Variants in ZDHHC21 observed in about 807,000 individuals in gnomAD.
ZDHHC21 encodes zDHHC palmitoyltransferase 21, also known as palmitoyltransferase ZDHHC21.
ZDHHC21 carries 15 observed loss-of-function variants against 34.6 expected under a neutral mutation model. That is an observed-to-expected ratio of 0.43 (90% CI 0.29 to 0.67). The LOEUF (loss-of-function observed/expected upper bound fraction) is 0.67. Ranked by LOEUF, ZDHHC21 falls within the 30% of genes least tolerant of loss-of-function variation. The pLI, the probability that ZDHHC21 is intolerant of heterozygous loss-of-function variation, is 0.14. For missense variants in ZDHHC21, 344 were observed against 327.7 expected (o/e 1.05, Z -0.38); for synonymous variants, 142 against 101.8 (o/e 1.40, Z -2.38).
At chr9:14,643,298 C>G (rs56949739) in intron 7 of ZDHHC21, among the ~76,000 whole-genome samples, 8,471 of 152,012 alleles carry the variant, frequency 0.056, 784 homozygotes, top group African/African-American at 0.19. Context: ...AGTATCCTCT[C>G]AAGAATTAGA....
intron 7 of ZDHHC21, among the ~76,000 whole-genome samples, chr9:14,646,172 A>C (rs1243536104): frequency 6.6e-6 from 1 of 152,120 alleles, no homozygotes; most frequent in African/African-American, 2.4e-5. Context: ...AGAACGAATA[A>C]ATGGCTTTAT....
chr9:14,660,530 G>A (rs1258401878), intron 6 of ZDHHC21, among the ~76,000 whole-genome samples: 1 of 152,042 alleles, frequency 6.6e-6, no homozygotes, highest in Non-Finnish European at 1.5e-5. Context: ...AATTTACACT[G>A]TACATTTCCC....
intron 8 of ZDHHC21, among the ~76,000 whole-genome samples, chr9:14,627,578 C>T (rs1292545916): frequency 6.6e-6 from 1 of 152,074 alleles, no homozygotes; most frequent in African/African-American, 2.4e-5. Flanking sequence ...AGAAAATCTC[C>T]AGAGACATCA....
intron 6 of ZDHHC21, among the ~76,000 whole-genome samples, chr9:14,660,075 G>C (rs1007846225): frequency 2.6e-5 from 4 of 152,022 alleles, no homozygotes; most frequent in Non-Finnish European, 5.9e-5. Flanking sequence ...TACTTAGAAA[G>C]AATGATCAGG....
chr9:14,632,176 G>A (rs62532732), intron 8 of ZDHHC21, among the ~76,000 whole-genome samples: 1,890 of 152,130 alleles, frequency 0.012, 18 homozygotes, highest in Middle Eastern at 0.034. Context: ...AATATATTCA[G>A]TAAAAATGTA....
At chr9:14,651,830 G>C (rs1367430414) in intron 7 of ZDHHC21, among the ~76,000 whole-genome samples, 1 of 151,850 alleles carries the variant, frequency 6.6e-6, no homozygotes, top group Non-Finnish European at 1.5e-5. Context: ...ATGTGAAATA[G>C]TCAAATATGG....
intron 7 of ZDHHC21, among the ~76,000 whole-genome samples, chr9:14,647,473 C>T (rs1830454859): frequency 6.6e-6 from 1 of 152,200 alleles, no homozygotes; most frequent in Admixed American, 6.5e-5. Context: ...AACATAATTA[C>T]AATTTCAAGT....
At chr9:14,592,749 G>C in the ZDHHC21 span, among the ~76,000 whole-genome samples, 1 of 152,020 alleles carries the variant, frequency 6.6e-6, no homozygotes. Context: ...AATTGTTCAA[G>C]ATACATCATA....
the ZDHHC21 span, among the ~76,000 whole-genome samples, chr9:14,604,522 G>T: frequency 6.6e-6 from 1 of 152,066 alleles, no homozygotes; most frequent in Non-Finnish European, 1.5e-5. Flanking sequence ...CTACCTCTAG[G>T]GAGGAAAACT....
At chr9:14,662,664 T>C (rs1024932680) in intron 5 of ZDHHC21, among the ~76,000 whole-genome samples, 4 of 152,216 alleles carry the variant, frequency 2.6e-5, no homozygotes, top group Admixed American at 6.5e-5. Flanking sequence ...CAAATTATTA[T>C]ACTAAAACAA....
At position 14,637,788 on chromosome 9, in the gene ZDHHC21, C is replaced by A. The variant is rs530596454; in HGVS notation, c.621+2108G>T. ...AAAAACACAATCCCATTTACAATAGCTCCAACAACAACACTCTAAGAATAA... is the reference window on the plus strand; with the variant it reads ...AAAAACACAATCCCATTTACAATAGATCCAACAACAACACTCTAAGAATAA... On this transcript the variant is annotated intron_variant, in intron 8 of 9. Coordinates refer to ENST00000380916, the MANE Select transcript of ZDHHC21 (RefSeq NM_178566.6). 3.3e-5 allele frequency among the ~76,000 whole-genome samples: 5 copies of A among 151,966 alleles called. No homozygotes were observed. In the South Asian group the frequency reaches 8.3e-4, roughly 25 times the overall value.
At chr9:14,632,040 C>T (rs927977402) in intron 8 of ZDHHC21, among the ~76,000 whole-genome samples, 1 of 148,322 alleles carries the variant, frequency 6.7e-6, no homozygotes, top group Non-Finnish European at 1.5e-5. Flanking sequence ...TGCCACAAAC[C>T]TTCAACTAGT....
intron 8 of ZDHHC21, among the ~76,000 whole-genome samples, chr9:14,626,466 A>C (rs1224439198): frequency 6.6e-6 from 1 of 151,968 alleles, no homozygotes; most frequent in Non-Finnish European, 1.5e-5. Flanking sequence ...ATTTAAGGAC[A>C]TATAAATAAA....
Position 14,612,442 on chromosome 9 carries a change from T to A in ZDHHC21, c.*6524A>T, listed in dbSNP as rs1823459866. Reference sequence around the variant, plus strand: ...GGAAAAATCTGGAACCCAAATAATATACATAGCAGCATTACATTTGGACAA... The same window carrying A: ...GGAAAAATCTGGAACCCAAATAATAAACATAGCAGCATTACATTTGGACAA... On this transcript the variant is annotated 3_prime_UTR_variant, in exon 10 of 10. Coordinates refer to ENST00000380916, the MANE Select transcript of ZDHHC21 (RefSeq NM_178566.6). 6.6e-6 allele frequency: 1 copy of A among 151,978 alleles called. No individual in the cohort carries two copies. Among genetic ancestry groups the A allele is most frequent in the Admixed American group, 6.6e-5 (1 of 15,204 alleles). 9.4% of individuals were successfully genotyped at this position (151,978 alleles called of 1,614,324 possible).
the ZDHHC21 span, among the ~76,000 whole-genome samples, chr9:14,596,065 T>A: frequency 6.6e-6 from 1 of 152,226 alleles, no homozygotes; most frequent in South Asian, 2.1e-4. Flanking sequence ...AATTCTACTC[T>A]AAGGCATTTA....
intron 3 of ZDHHC21, among the ~76,000 whole-genome samples, chr9:14,678,980 A>T (rs1041774893): frequency 6.6e-6 from 1 of 152,074 alleles, no homozygotes; most frequent in Non-Finnish European, 1.5e-5. Flanking sequence ...GTTTTTCTGG[A>T]AAGAGACAGG....
intron 8 of ZDHHC21, among the ~76,000 whole-genome samples, chr9:14,627,638 A>G (rs1157646730): frequency 6.6e-6 from 1 of 152,176 alleles, no homozygotes. Context: ...GAAAACAAAA[A>G]TGCTTGTATA....
intron 2 of ZDHHC21, among the ~76,000 whole-genome samples, chr9:14,681,288 T>C (rs1299993771): frequency 3.3e-5 from 5 of 152,124 alleles, no homozygotes; most frequent in Admixed American, 2.6e-4. Flanking sequence ...GCAGTGGCTA[T>C]TCCCAGGTGC....
intron 7 of ZDHHC21, among the ~76,000 whole-genome samples, chr9:14,644,793 T>TAC (rs112877623): frequency 2.7e-3 from 4 of 1,472 alleles, no homozygotes; most frequent in Non-Finnish European, 7.4e-3. Context: ...GGTGGGAGTT[T>TAC]ATATATATAC....
Sources: allele counts gnomAD v4.1 joint callset (sites outside exome capture counted in the v4.1 genomes callset), GRCh38; gene constraint gnomAD v4.1.1; transcripts MANE v1.5; gene names NCBI Gene and HGNC (gene_info 2026-07-23, HGNC 2026-07-21).